Variants in HAPLN1 observed in about 807,000 individuals in gnomAD.
The protein encoded by HAPLN1 is hyaluronan and proteoglycan link protein 1.
HAPLN1 carries 13 observed loss-of-function variants against 36.5 expected under a neutral mutation model. The ratio of observed to expected loss-of-function variants is 0.36; its 90% CI spans 0.23 to 0.57. The LOEUF is 0.57. Among genes scored for constraint, HAPLN1 ranks in the 20% least tolerant of loss-of-function variants. HAPLN1 has a pLI of 0.83. For missense variants in HAPLN1, 407 were observed against 439.7 expected (o/e 0.93, Z 0.66); for synonymous variants, 202 against 169.8 (o/e 1.19, Z -1.48).
At chr5:83,649,443 T>TG (rs1554047582) in intron 3 of HAPLN1, among the ~76,000 whole-genome samples, 5 of 152,132 alleles carry the variant, frequency 3.3e-5, no homozygotes, top group Non-Finnish European at 7.4e-5. Flanking sequence ...TCTGGTTTTT[T>TG]TTTGTTTGTT....
At chr5:83,684,838 A>G (rs1478715981) in intron 1 of HAPLN1, among the ~76,000 whole-genome samples, 1 of 152,170 alleles carries the variant, frequency 6.6e-6, no homozygotes, top group Non-Finnish European at 1.5e-5. Flanking sequence ...CATACCTCAT[A>G]AGAAGATATA....
At chr5:83,716,688 T>C (rs1751919533) in intron 1 of HAPLN1, among the ~76,000 whole-genome samples, 1 of 152,204 alleles carries the variant, frequency 6.6e-6, no homozygotes, top group Non-Finnish European at 1.5e-5. Context: ...TCTTGTCTAG[T>C]ATCCTTAAGT....
At chr5:83,695,103 A>G (rs1310058942) in intron 1 of HAPLN1, among the ~76,000 whole-genome samples, 3 of 152,178 alleles carry the variant, frequency 2.0e-5, no homozygotes, top group African/African-American at 7.2e-5. Flanking sequence ...GGTTTTCTTT[A>G]TATTAGAAAA....
chr5:83,640,416 C>G lies in HAPLN1; in HGVS notation c.*1080G>C, dbSNP rs1335794554. 1.3e-5 allele frequency: 2 copies of G among 152,028 alleles called. No homozygotes were observed. Among genetic ancestry groups the G allele is most frequent in the Non-Finnish European group, 2.9e-5 (2 of 67,972 alleles). The allele number at this position is 152,028 out of a possible 1,614,324, so 9.4% of individuals were successfully genotyped here. On this transcript the variant is annotated 3_prime_UTR_variant, in exon 5 of 5. Coordinates refer to ENST00000274341, the MANE Select transcript of HAPLN1 (RefSeq NM_001884.4). ...GTTTAGAACTACACTGTTGACTTTT[C>G]CCCCCAAACACAGGCACTGGTTGGG...
At chr5:83,699,076 G>T (rs1447044998) in intron 1 of HAPLN1, among the ~76,000 whole-genome samples, 1 of 152,032 alleles carries the variant, frequency 6.6e-6, no homozygotes, top group East Asian at 1.9e-4. Context: ...ATTCACTGTT[G>T]TGTATAAATT....
At chr5:83,691,370 A>G (rs1010254714) in intron 1 of HAPLN1, among the ~76,000 whole-genome samples, 4 of 152,058 alleles carry the variant, frequency 2.6e-5, no homozygotes, top group Non-Finnish European at 5.9e-5. Flanking sequence ...TGAGAAATCT[A>G]TCCAAGTCTA....
intron 2 of HAPLN1, among the ~76,000 whole-genome samples, chr5:83,653,504 A>G (rs1200833703): frequency 6.6e-6 from 1 of 152,234 alleles, no homozygotes; most frequent in African/African-American, 2.4e-5. Flanking sequence ...TTTGAAATGT[A>G]TTCCTCAAAA....
intron 1 of HAPLN1, among the ~76,000 whole-genome samples, chr5:83,695,820 T>G (rs1306905481): frequency 6.6e-6 from 1 of 151,838 alleles, no homozygotes; most frequent in African/African-American, 2.4e-5. Context: ...AACATCATAC[T>G]TAATGGTAAA....
chr5:83,677,648 A>G (rs1561313584), intron 1 of HAPLN1, among the ~76,000 whole-genome samples: 1 of 152,182 alleles, frequency 6.6e-6, no homozygotes, highest in Non-Finnish European at 1.5e-5. Context: ...GCTCTATTCC[A>G]GGTCTCACAA....
rs1304340934 is a variant in HAPLN1 at position 83,699,297 on chromosome 5, T to C, written c.-27+21492A>G. On this transcript the variant is annotated intron_variant, in intron 1 of 4. Coordinates refer to ENST00000274341, the MANE Select transcript of HAPLN1 (RefSeq NM_001884.4). Reference sequence around the variant, plus strand: ...TTAAAACTATATAGTGACTCCACTTTGTTAGGGCAATGTACATAGTGGCTG... The same window carrying C: ...TTAAAACTATATAGTGACTCCACTTCGTTAGGGCAATGTACATAGTGGCTG... Among the ~76,000 whole-genome samples the C allele has an allele frequency of 3.9e-5, 6 of 152,234 alleles. No homozygotes were observed. The East Asian group carries it at 1.2e-3, about 29-fold the overall frequency.
Position 83,673,356 on chromosome 5 carries a change from C to A in HAPLN1, c.100+68G>T, listed in dbSNP as rs1166910552. Reference sequence around the variant, plus strand: ...CAGAACTAAAATTAAGAAACACTAGCCCAGCATCTCAACTCTAAGTAACTT... The same window carrying A: ...CAGAACTAAAATTAAGAAACACTAGACCAGCATCTCAACTCTAAGTAACTT... On this transcript the variant is annotated intron_variant, in intron 2 of 4. Coordinates refer to ENST00000274341, the MANE Select transcript of HAPLN1 (RefSeq NM_001884.4). 4.8e-6 allele frequency: 5 copies of A among 1,047,210 alleles called. No homozygotes were observed. In the East Asian group the frequency reaches 1.3e-4, roughly 26 times the overall value. 64.9% of individuals were successfully genotyped at this position (1,047,210 alleles called of 1,614,324 possible).
intron 2 of HAPLN1, among the ~76,000 whole-genome samples, chr5:83,666,212 CAATA>C (rs1488430428): frequency 6.6e-6 from 1 of 152,050 alleles, no homozygotes; most frequent in Non-Finnish European, 1.5e-5. Flanking sequence ...AGAACATAAT[CAATA>C]AAGAAATCTA....
intron 3 of HAPLN1, among the ~76,000 whole-genome samples, chr5:83,648,352 A>G (rs1749936480): frequency 7.5e-6 from 1 of 133,102 alleles, no homozygotes; most frequent in Admixed American, 8.1e-5. Context: ...TGTGCTTGGT[A>G]CTCTAGGATA....
intron 1 of HAPLN1, among the ~76,000 whole-genome samples, chr5:83,696,847 A>T (rs913499243): frequency 2.0e-5 from 3 of 152,178 alleles, no homozygotes; most frequent in Non-Finnish European, 4.4e-5. Context: ...CCATATTTTA[A>T]CTGTTGCCTA....
At chr5:83,700,984 T>C (rs772405595) in intron 1 of HAPLN1, among the ~76,000 whole-genome samples, 3 of 152,236 alleles carry the variant, frequency 2.0e-5, no homozygotes, top group African/African-American at 7.2e-5. Context: ...AAGGACATTA[T>C]CTTATTAATT....
In HAPLN1 at chr5:83,652,837, A is replaced by G; in HGVS notation, c.101-13T>C. 2 of 1,552,288 alleles carry G rather than the reference A, an allele frequency of 1.3e-6. No individual in the cohort carries two copies. The highest frequency in any genetic ancestry group is 1.7e-6 in the Non-Finnish European group (2 of 1,152,500). ...GGGCCATTTTCTGCTATAATTAAAA[A>G]GGAAAAAAAAAAGAAAATAACTATT... On this transcript the variant is annotated splice_polypyrimidine_tract_variant and intron_variant, in intron 2 of 4. Coordinates refer to ENST00000274341, the MANE Select transcript of HAPLN1 (RefSeq NM_001884.4).
rs1749645238 is a variant in HAPLN1 at position 83,640,312 on chromosome 5, G to A, written c.*1184C>T. Reference sequence around the variant, plus strand: ...TTTTAGTGTAAACTCTTTGATGACAGCTTCAGCATTTAATTTAAGCCTAAT... The same window carrying A: ...TTTTAGTGTAAACTCTTTGATGACAACTTCAGCATTTAATTTAAGCCTAAT... On this transcript the variant is annotated 3_prime_UTR_variant, in exon 5 of 5. Coordinates refer to ENST00000274341, the MANE Select transcript of HAPLN1 (RefSeq NM_001884.4). 1 of 152,126 alleles carries A rather than the reference G, an allele frequency of 6.6e-6. No individual in the cohort carries two copies. Among genetic ancestry groups the A allele is most frequent in the Admixed American group, 6.5e-5 (1 of 15,280 alleles). The allele number at this position is 152,126 out of a possible 1,614,324, so 9.4% of individuals were successfully genotyped here.
At position 83,638,229 on chromosome 5, in the gene HAPLN1, C is replaced by T. The variant is rs780278879; in HGVS notation, c.*3267G>A. On this transcript the variant is annotated 3_prime_UTR_variant, in exon 5 of 5. Transcript: ENST00000274341. ...AACACAAAATTGACTTTTAATGTAC[C>T]AGTTCATTGTATCTTACAGAAAATC... 2 of 151,774 alleles carry T rather than the reference C, an allele frequency of 1.3e-5. No individual in the cohort carries two copies. Among genetic ancestry groups the T allele is most frequent in the Admixed American group, 6.6e-5 (1 of 15,226 alleles). 9.4% of individuals were successfully genotyped at this position (151,774 alleles called of 1,614,324 possible).
chr5:83,647,909 G>A (rs958480545), intron 3 of HAPLN1, among the ~76,000 whole-genome samples: 3 of 152,122 alleles, frequency 2.0e-5, no homozygotes, highest in African/African-American at 7.2e-5. Context: ...GCACATATCT[G>A]AAATTGCGTT....
Sources: allele counts gnomAD v4.1 joint callset (sites outside exome capture counted in the v4.1 genomes callset), GRCh38; gene constraint gnomAD v4.1.1; transcripts MANE v1.5; gene names NCBI Gene and HGNC (gene_info 2026-07-23, HGNC 2026-07-21).